Variants in PADI2 observed in about 807,000 individuals in gnomAD.
PADI2 encodes the protein protein-arginine deiminase type-2.
In PADI2, 70 loss-of-function variants were observed where a neutral mutation model predicts 81.1. The observed-to-expected ratio is 0.86, with a 90% confidence interval of 0.71 to 1.05. The LOEUF is 1.05. Ranked by LOEUF, PADI2 falls within the 50% of genes least tolerant of loss-of-function variation. The pLI is 0.00. For synonymous variants in PADI2, 338 were observed against 358.0 expected, an observed-to-expected ratio of 0.94 and a Z score of 0.63; for missense variants, 853 against 889.9, an observed-to-expected ratio of 0.96 and a Z score of 0.53.
intron 6 of PADI2, among the ~76,000 whole-genome samples, chr1:17,087,880 G>T (rs943756785): frequency 2.0e-5 from 3 of 152,192 alleles, no homozygotes; most frequent in Non-Finnish European, 4.4e-5. Context: ...GGGCCTGCCC[G>T]GCACATGGTC....
At chr1:17,090,135 C>A (rs928752746) in intron 6 of PADI2, among the ~76,000 whole-genome samples, 1 of 152,230 alleles carries the variant, frequency 6.6e-6, no homozygotes, top group Non-Finnish European at 1.5e-5. Context: ...AGCCTTCTGT[C>A]CACTCCAATC....
At chr1:17,078,216 A>T (rs2078319026) in intron 11 of PADI2, among the ~76,000 whole-genome samples, 1 of 151,812 alleles carries the variant, frequency 6.6e-6, no homozygotes, top group African/African-American at 2.4e-5. Flanking sequence ...AGTTCAAGCG[A>T]TTCTTCTGCC....
chr1:17,104,106 C>A (rs559266271), intron 2 of PADI2, among the ~76,000 whole-genome samples: 65 of 147,274 alleles, frequency 4.4e-4, no homozygotes, highest in African/African-American at 1.6e-3. Context: ...CACGGTGAAA[C>A]CCCATCTCTA....
intron 1 of PADI2, among the ~76,000 whole-genome samples, chr1:17,107,493 G>A (rs1284391893): frequency 6.6e-6 from 1 of 152,164 alleles, no homozygotes; most frequent in African/African-American, 2.4e-5. Flanking sequence ...AGACTGCGGG[G>A]CCCCATCTCA....
intron 6 of PADI2, among the ~76,000 whole-genome samples, chr1:17,087,788 G>A (rs1387984705): frequency 6.6e-6 from 1 of 152,188 alleles, no homozygotes; most frequent in Admixed American, 6.5e-5. Context: ...TTACAGGTGT[G>A]AGCCACCACA....
chr1:17,099,011 G>T (rs1350918045), intron 3 of PADI2, among the ~76,000 whole-genome samples: 1 of 152,236 alleles, frequency 6.6e-6, no homozygotes, highest in Admixed American at 6.5e-5. Flanking sequence ...TCCCACCTCA[G>T]TTCCCCAGAA....
At chr1:17,109,137 C>A (rs1000673729) in intron 1 of PADI2, among the ~76,000 whole-genome samples, 1 of 152,074 alleles carries the variant, frequency 6.6e-6, no homozygotes, top group South Asian at 2.1e-4. Flanking sequence ...GTAACCCCAG[C>A]ACTTTGGGAG....
At chr1:17,086,801 T>C (rs942751706) in intron 6 of PADI2, 102 bp from the exon 7 acceptor site, 2 of 938,566 alleles carry the variant, frequency 2.1e-6, no homozygotes, top group South Asian at 3.2e-5. Flanking sequence ...ACTTGTCCTC[T>C]AGACAGAGAG....
At chr1:17,082,343 T>C (rs1365532692) in intron 10 of PADI2, among the ~76,000 whole-genome samples, 2 of 152,192 alleles carry the variant, frequency 1.3e-5, no homozygotes, top group Non-Finnish European at 2.9e-5. Context: ...GAAAACTCTC[T>C]ATGTTTTGGA....
intron 1 of PADI2, among the ~76,000 whole-genome samples, chr1:17,105,738 G>A (rs1392595610): frequency 6.6e-6 from 1 of 152,186 alleles, no homozygotes; most frequent in African/African-American, 2.4e-5. Context: ...GTCTGCAAGG[G>A]CCCCCACAGG....
At chr1:17,083,083 A>AG (rs1191744563) in intron 9 of PADI2, 1 of 159,124 alleles carries the variant, frequency 6.3e-6, no homozygotes, top group African/African-American at 2.4e-5. Context: ...ATGTTGCCCA[A>AG]GCATGTCTTG....
chr1:17,075,954 A>T (rs184727358), intron 11 of PADI2, 131 bp from the exon 12 acceptor site: 3 of 834,042 alleles, frequency 3.6e-6, no homozygotes, highest in East Asian at 2.6e-5. Flanking sequence ...GAAGGAGACT[A>T]GGTTGGGTTA....
Position 17,070,224 on chromosome 1 carries a change from G to A in PADI2, c.1636-8C>T. ...GTTCCAGTCTAGGCAGCGCTGGGTA[G>A]GAGAAAGGATGGAGGGCATGCAGGT... On this transcript the variant is annotated splice_region_variant and splice_polypyrimidine_tract_variant and intron_variant, in intron 14 of 15. Coordinates refer to ENST00000375486, the MANE Select transcript of PADI2 (RefSeq NM_007365.3). 6.2e-7 allele frequency: 1 copy of A among 1,613,556 alleles called. No individual in the cohort carries two copies. The highest frequency in any genetic ancestry group is 8.5e-7 in the Non-Finnish European group (1 of 1,179,728).
chr1:17,089,886 C>T (rs537877495), intron 6 of PADI2, among the ~76,000 whole-genome samples: 1 of 152,274 alleles, frequency 6.6e-6, no homozygotes, highest in South Asian at 2.1e-4. Flanking sequence ...CTTAACCTTT[C>T]TAGCTACTTT....
chr1:17,090,383 C>G (rs889022654), intron 6 of PADI2, among the ~76,000 whole-genome samples: 16 of 152,210 alleles, frequency 1.1e-4, no homozygotes, highest in Admixed American at 8.5e-4. Context: ...AATTGTAGCT[C>G]CCTGACTCCA....
intron 3 of PADI2, among the ~76,000 whole-genome samples, chr1:17,100,580 C>T (rs908115419): frequency 6.0e-5 from 9 of 151,140 alleles, no homozygotes; most frequent in East Asian, 3.9e-4. Context: ...CCACTGTGCC[C>T]GGCCATGACT....
intron 10 of PADI2, among the ~76,000 whole-genome samples, chr1:17,082,176 T>C (rs1031683636): frequency 1.3e-5 from 2 of 152,084 alleles, no homozygotes; most frequent in African/African-American, 2.4e-5. Context: ...AACTTGGAAG[T>C]TGGAACCATG....
At chr1:17,070,669 A>AT (rs1199530858) in intron 14 of PADI2, among the ~76,000 whole-genome samples, 8 of 150,312 alleles carry the variant, frequency 5.3e-5, no homozygotes, top group East Asian at 1.9e-4. Context: ...TTCCCTTTTA[A>AT]TTTTTTTTTT....
Position 17,074,935 on chromosome 1 carries a change from G to T in PADI2, c.1470C>A (p.Leu490=). ...PIPGTKKFLL[L]MASTSACYKL... is the part of the protein sequence containing the mutation. ...TGTAGCAGGCCGAGGTGCTGGCCAT[G>T]AGTAGCAGGAATTTCTGCAAGAGAC... The change falls in exon 13 of 16, where the codon CTC becomes CTA. Residue 490 remains leucine, a synonymous_variant. Transcript: ENST00000375486. The T allele has an allele frequency of 6.2e-7, 1 of 1,611,882 alleles. No homozygotes were observed. Among genetic ancestry groups the T allele is most frequent in the Non-Finnish European group, 8.5e-7 (1 of 1,178,548 alleles).
Sources: gnomAD v4.1 joint callset for allele counts (sites outside exome capture counted in the v4.1 genomes callset) on GRCh38, gnomAD v4.1.1 for gene constraint, MANE v1.5 for transcripts, NCBI Gene and HGNC (gene_info 2026-07-23, HGNC 2026-07-21) for gene names.